ZSCAN9: variants seen among roughly 807,000 people sequenced by gnomAD.
ZSCAN9 encodes zinc finger and SCAN domain-containing protein 9.
A neutral mutation model predicts 23.0 loss-of-function variants in ZSCAN9; 19 were observed. The ratio of observed to expected loss-of-function variants is 0.83; its 90% CI spans 0.58 to 1.21. ZSCAN9 has a LOEUF of 1.21. Ranked by LOEUF, ZSCAN9 falls within the 50% of genes most tolerant of loss-of-function variation. The probability of loss-of-function intolerance (pLI) is 0.00; values close to 1 mark genes in which losing one functional copy is unlikely to be tolerated. For synonymous variants in ZSCAN9, 155 were observed against 164.8 expected (o/e 0.94, Z 0.46); for missense variants, 467 against 471.5 (o/e 0.99, Z 0.09).
At chr6:28,230,626 G>C in intron 3 of ZSCAN9, 1 of 693,870 alleles carries the variant, frequency 1.4e-6, no homozygotes, top group Non-Finnish European at 2.3e-6. Flanking sequence ...CTATGTGCCA[G>C]GCATGTTTCT....
chr6:28,231,608 G>T (rs1023713108), intron 3 of ZSCAN9, among the ~76,000 whole-genome samples: 2 of 152,078 alleles, frequency 1.3e-5, no homozygotes, highest in Admixed American at 6.5e-5. Context: ...CAAAAAATTA[G>T]CCAGGCATGG....
chr6:28,231,086 C>T (rs1239312417), intron 3 of ZSCAN9, among the ~76,000 whole-genome samples: 1 of 152,090 alleles, frequency 6.6e-6, no homozygotes, highest in Non-Finnish European at 1.5e-5. Flanking sequence ...ATACTGAACC[C>T]TGTATATACT....
In ZSCAN9 at chr6:28,233,062, C is replaced by A; in HGVS notation, c.1069C>A (p.Gln357Lys). ...TCGGCGTTCATTTCTCATTGAACAT[C>A]AGAGAAGCCACACAGGGGAGCGACC... is the stretch of plus-strand genomic sequence containing the variant. ...YSRRSFLIEHQRSHTGERPHQ... is the reference protein window; with the variant it reads ...YSRRSFLIEHKRSHTGERPHQ... Residue 357 changes from glutamine (Q) to lysine (K), a missense_variant, in exon 4 of 4, where the codon CAG becomes AAG. Transcript: ENST00000252207. 6.2e-7 allele frequency: 1 copy of A among 1,614,188 alleles called. No individual in the cohort carries two copies. The highest frequency in any genetic ancestry group is 1.1e-5 in the South Asian group (1 of 91,088).
Position 28,233,242 on chromosome 6 carries a change from A to G in ZSCAN9, c.*64A>G. The G allele has an allele frequency of 6.5e-7, 1 of 1,544,434 alleles. No individual in the cohort carries two copies. Among genetic ancestry groups the G allele is most frequent in the Non-Finnish European group, 8.7e-7 (1 of 1,147,754 alleles). ...GTTGTGTGGGGCAGGTTGAGACTAG[A>G]AAATGCCTCTTTCTTCCTTTCTCCA... On this transcript the variant is annotated 3_prime_UTR_variant, in exon 4 of 4. Transcript: ENST00000252207.
Position 28,233,144 on chromosome 6 carries a change from A to G in ZSCAN9, c.1151A>G (p.His384Arg). The G allele has an allele frequency of 6.2e-7, 1 of 1,614,088 alleles. No individual in the cohort carries two copies. Among genetic ancestry groups the G allele is most frequent in the Non-Finnish European group, 8.5e-7 (1 of 1,179,994 alleles). ...AATCGACACTGCAACCTCATTCGCCATCAGAAGATCCACACAGTGGCTGAG... is the reference window on the plus strand; with the variant it reads ...AATCGACACTGCAACCTCATTCGCCGTCAGAAGATCCACACAGTGGCTGAG... ...SFNRHCNLIR[H>R]QKIHTVAELV Residue 384 changes from histidine to arginine, a missense_variant, in exon 4 of 4, where the codon CAT (histidine) becomes CGT (arginine). Physicochemically the swap from His to Arg is conservative, Grantham distance 29 (BLOSUM62 0). Coordinates refer to ENST00000252207, the MANE Select transcript of ZSCAN9 (RefSeq NM_006299.5).
rs139661640 is a variant in ZSCAN9 at position 28,232,895 on chromosome 6, G to A, written c.902G>A (p.Arg301Gln). The change falls in exon 4 of 4, where the codon CGA becomes CAA. Residue 301 changes from arginine (R) to glutamine (Q), a missense_variant. By Grantham distance (43) the Arg-to-Gln change is conservative. Coordinates refer to ENST00000252207, the MANE Select transcript of ZSCAN9 (RefSeq NM_006299.5). ...CGAAGTTCTGGTCTTTTTAATCACC[G>A]AGGAATCCACAATATACAGAAACGG... ...FSRSSGLFNHRGIHNIQKRYH... is the reference protein window; with the variant it reads ...FSRSSGLFNHQGIHNIQKRYH... 7.7e-4 allele frequency: 1,235 copies of A among 1,614,138 alleles called. 3 individuals are homozygous for A. The highest frequency in any genetic ancestry group is 3.2e-3 in the Admixed American group (195 of 60,026).
chr6:28,230,317 G>A, intron 3 of ZSCAN9: 5 of 1,511,628 alleles, frequency 3.3e-6, no homozygotes, highest in Non-Finnish European at 4.4e-6. Flanking sequence ...ATTCTACCCA[G>A]CTCCCTTATG....
At chr6:28,232,315 A>T (rs1760329283) in intron 3 of ZSCAN9, among the ~76,000 whole-genome samples, 1 of 151,518 alleles carries the variant, frequency 6.6e-6, no homozygotes, top group African/African-American at 2.4e-5. Flanking sequence ...TGGGCTACAG[A>T]GTGACACTCT....
At chr6:28,229,809 G>A (rs951422044) in intron 3 of ZSCAN9, among the ~76,000 whole-genome samples, 3 of 151,460 alleles carry the variant, frequency 2.0e-5, no homozygotes, top group East Asian at 3.9e-4. Flanking sequence ...TTTTGCAGAC[G>A]TTTCTCTATA....
intron 3 of ZSCAN9, chr6:28,228,586 C>T (rs1041609484): frequency 6.5e-6 from 1 of 154,790 alleles, no homozygotes; most frequent in Non-Finnish European, 1.5e-5. Context: ...AGGACCTCAG[C>T]ATATGTGAGG....
chr6:28,230,860 G>A (rs1330809491), intron 3 of ZSCAN9, among the ~76,000 whole-genome samples: 1 of 152,150 alleles, frequency 6.6e-6, no homozygotes, highest in African/African-American at 2.4e-5. Flanking sequence ...CATTGAGAAG[G>A]TGAGTTGAAC....
Position 28,232,746 on chromosome 6 carries a change from G to C in ZSCAN9, c.753G>C (p.Glu251Asp), listed in dbSNP as rs758639681. The stretch of plus-strand genomic sequence containing the variant: ...GGCAGTGGGGAAACCTCTTAGGAGA[G>C]GGGCAACACAAATGTGATGAATGTG... ...IERQWGNLLG[E>D]GQHKCDECGK... is the part of the protein sequence containing the mutation. Residue 251 changes from glutamate (E) to aspartate (D), a missense_variant, in exon 4 of 4, where the codon GAG becomes GAC. By Grantham distance (45) the Glu-to-Asp change is conservative. Transcript: ENST00000252207. 2.0e-5 allele frequency: 32 copies of C among 1,614,234 alleles called. No individual in the cohort carries two copies. The South Asian group carries it at 3.5e-4, about 18-fold the overall frequency.
In ZSCAN9 at chr6:28,233,009, A is replaced by C; in HGVS notation, c.1016A>C (p.Gln339Pro). 6.2e-7 allele frequency: 1 copy of C among 1,614,078 alleles called. No homozygotes were observed. The highest frequency in any genetic ancestry group is 8.5e-7 in the Non-Finnish European group (1 of 1,179,906). Reference sequence around the variant, plus strand: ...ATCCACAAAGGAGAAAAGCCGTATCAGTGCAGCCAGTGCAGTAAGAGCTAC... The same window carrying C: ...ATCCACAAAGGAGAAAAGCCGTATCCGTGCAGCCAGTGCAGTAAGAGCTAC... ...QRIHKGEKPY[Q>P]CSQCSKSYSR... is the part of the protein sequence containing the mutation. Residue 339 changes from glutamine to proline, a missense_variant, in exon 4 of 4, where the codon CAG becomes CCG. Gln to Pro is a moderately conservative substitution (Grantham distance 76, BLOSUM62 -1). Transcript: ENST00000252207.
At chr6:28,226,383 G>T (rs1760117805) in intron 1 of ZSCAN9, among the ~76,000 whole-genome samples, 1 of 152,148 alleles carries the variant, frequency 6.6e-6, no homozygotes, top group Admixed American at 6.5e-5. Flanking sequence ...GTAAATGTTG[G>T]TTCGTTCATT....
chr6:28,230,405 C>G lies in ZSCAN9; in HGVS notation c.569-2157C>G. 2.0e-6 allele frequency: 3 copies of G among 1,536,068 alleles called. No individual in the cohort carries two copies. The highest frequency in any genetic ancestry group is 2.6e-6 in the Non-Finnish European group (3 of 1,146,880). On this transcript the variant is annotated intron_variant, in intron 3 of 3. Coordinates refer to ENST00000252207, the MANE Select transcript of ZSCAN9 (RefSeq NM_006299.5). ...GGGGCCCATCTGTTCTCTACAGACA[C>G]ATTTTTATTTTCCAAACCTGTTGTG...
At chr6:28,225,257 C>T (rs1207403339), upstream of ZSCAN9, 3 of 152,128 alleles carry the variant, frequency 2.0e-5, no homozygotes, top group African/African-American at 7.2e-5. Flanking sequence ...CTCCGTCCGC[C>T]TTCGAGGAGA....
At chr6:28,231,740 A>G (rs546022121) in intron 3 of ZSCAN9, among the ~76,000 whole-genome samples, 18 of 152,262 alleles carry the variant, frequency 1.2e-4, no homozygotes, top group African/African-American at 2.9e-4. Context: ...CAAAAAAAAA[A>G]AAAAAAAATT....
At position 28,227,299 on chromosome 6, in the gene ZSCAN9, G is replaced by A. The variant is rs369714807; in HGVS notation, c.215G>A (p.Arg72Gln). ...ETPGPREALT[R>Q]LQELCYQWLR... ...CCTGGACCAAGGGAGGCTCTTACTC[G>A]ACTCCAGGAACTTTGCTACCAGTGG... The change falls in exon 2 of 4, where the codon CGA (arginine) becomes CAA (glutamine). Residue 72 changes from arginine (R) to glutamine (Q), a missense_variant. Coordinates refer to ENST00000252207, the MANE Select transcript of ZSCAN9 (RefSeq NM_006299.5). 31 of 1,614,082 alleles carry A rather than the reference G, an allele frequency of 1.9e-5. No homozygotes were observed. The highest frequency in any genetic ancestry group is 2.6e-5 in the Non-Finnish European group (31 of 1,180,042).
Position 28,232,725 on chromosome 6 carries a change from G to A in ZSCAN9, c.732G>A (p.Gln244=). Residue 244 remains glutamine (Q), a synonymous_variant, in exon 4 of 4, where the codon CAG becomes CAA. Transcript: ENST00000252207. ...VGEHKDRIER[Q]WGNLLGEGQH... ...AACATAAGGATAGGATAGAGAGGCA[G>A]TGGGGAAACCTCTTAGGAGAGGGGC... 6.2e-7 allele frequency: 1 copy of A among 1,614,212 alleles called. No individual in the cohort carries two copies. Among genetic ancestry groups the A allele is most frequent in the Middle Eastern group, 1.6e-4 (1 of 6,062 alleles).
Sources: gnomAD v4.1 joint callset for allele counts (sites outside exome capture counted in the v4.1 genomes callset) on GRCh38, gnomAD v4.1.1 for gene constraint, MANE v1.5 for transcripts, NCBI Gene and HGNC (gene_info 2026-07-23, HGNC 2026-07-21) for gene names.